Variants in CCPG1 observed in about 807,000 individuals in gnomAD.
CCPG1 encodes the protein cell cycle progression protein 1.
A neutral mutation model predicts 81.3 loss-of-function variants in CCPG1; 46 were observed. The ratio of observed to expected loss-of-function variants is 0.57; its 90% CI spans 0.45 to 0.72. The LOEUF (loss-of-function observed/expected upper bound fraction) is 0.72, where lower values mean the gene tolerates loss of function less well. Among genes scored for constraint, CCPG1 ranks in the 30% least tolerant of loss-of-function variants. CCPG1 has a pLI of 0.00. For missense variants in CCPG1, 902 were observed against 937.6 expected (o/e 0.96, Z 0.50); for synonymous variants, 330 against 305.2 (o/e 1.08, Z -0.85).
chr15:55,362,772 T>C lies in CCPG1; in HGVS notation c.829-1828A>G, dbSNP rs796088697. On this transcript the variant is annotated intron_variant, in intron 7 of 8. Transcript: ENST00000442196. ...AAACTGACTCTCTAGCTGGGCACAG[T>C]GGCTCAATCCTTTAATCCCAGTATT... Among the ~76,000 whole-genome samples, 4 of 152,330 alleles carry C rather than the reference T, an allele frequency of 2.6e-5. No individual in the cohort carries two copies. In the East Asian group the frequency reaches 7.7e-4, roughly 29 times the overall value.
At chr15:55,380,095 T>C (rs2056649859) in intron 3 of CCPG1, among the ~76,000 whole-genome samples, 2 of 138,142 alleles carry the variant, frequency 1.4e-5, no homozygotes, top group Admixed American at 7.0e-5. Context: ...AGTGAAACTC[T>C]GTCTTAAAAA....
chr15:55,387,398 A>T (rs1324428328), intron 2 of CCPG1, among the ~76,000 whole-genome samples: 3 of 152,188 alleles, frequency 2.0e-5, no homozygotes, highest in Admixed American at 6.6e-5. Context: ...GATTTTAAAA[A>T]GAAGAATCAT....
chr15:55,356,136 G>T lies in CCPG1; in HGVS notation c.*84C>A. On this transcript the variant is annotated 3_prime_UTR_variant, in exon 9 of 9. Transcript: ENST00000442196. ...ACAAAAGAAAAGACATTGTCATCTTGGTAATTTCATTAGTTTCAATACCAA... is the reference window on the plus strand; with the variant it reads ...ACAAAAGAAAAGACATTGTCATCTTTGTAATTTCATTAGTTTCAATACCAA... 2 of 960,566 alleles carry T rather than the reference G, an allele frequency of 2.1e-6. No homozygotes were observed. The highest frequency in any genetic ancestry group is 3.0e-6 in the Non-Finnish European group (2 of 659,790). 59.5% of individuals were successfully genotyped at this position (960,566 alleles called of 1,614,324 possible).
intron 8 of CCPG1, chr15:55,356,978 C>A (rs1040445512): frequency 1.2e-5 from 12 of 985,514 alleles, no homozygotes; most frequent in African/African-American, 1.7e-5. Flanking sequence ...ACATTTATTC[C>A]TTTTACTTGA....
intron 1 of CCPG1, among the ~76,000 whole-genome samples, chr15:55,400,144 A>T (rs1235573963): frequency 7.7e-6 from 1 of 130,374 alleles, no homozygotes; most frequent in Non-Finnish European, 1.6e-5. Flanking sequence ...CAGGAAGTGG[A>T]GGTTGCACTG....
intron 3 of CCPG1, among the ~76,000 whole-genome samples, chr15:55,382,405 C>A (rs2056716961): frequency 1.3e-5 from 2 of 152,126 alleles, no homozygotes; most frequent in African/African-American, 4.8e-5. Context: ...GAGTAGATTG[C>A]ATCTCAAGAA....
At chr15:55,359,180 T>C (rs2056140568) in intron 8 of CCPG1, 2 of 981,738 alleles carry the variant, frequency 2.0e-6, no homozygotes, top group Non-Finnish European at 2.4e-6. Context: ...CAAAAGTGAA[T>C]AAATACATAA....
intron 7 of CCPG1, 80 bp from the exon 8 acceptor site, chr15:55,361,024 C>G: frequency 7.3e-7 from 1 of 1,375,680 alleles, no homozygotes; most frequent in Non-Finnish European, 9.5e-7. Flanking sequence ...ATATAATACC[C>G]CATAAGCTTT....
Position 55,377,148 on chromosome 15 carries a change from T to A in CCPG1, c.255A>T (p.Ala85=). The A allele has an allele frequency of 6.2e-7, 1 of 1,607,258 alleles. No homozygotes were observed. The highest frequency in any genetic ancestry group is 8.5e-7 in the Non-Finnish European group (1 of 1,174,932). Residue 85 remains alanine (A), a splice_region_variant and synonymous_variant, in exon 5 of 9, where the codon GCA becomes GCT. Coordinates refer to ENST00000442196, the MANE Select transcript of CCPG1 (RefSeq NM_001204450.2). ...ALEETSSTIE[A]EEQKIPEDSI... is the part of the protein sequence containing the mutation. ...TGTCTTCGGGTATCTTTTGTTCCTCTGCCTGAAGAATCATAATTTTAGAGA... is the reference window on the plus strand; with the variant it reads ...TGTCTTCGGGTATCTTTTGTTCCTCAGCCTGAAGAATCATAATTTTAGAGA...
rs141933238 is a variant in CCPG1, at chr15:55,374,691, C to T, written c.454+2258G>A. Among the ~76,000 whole-genome samples the T allele has an allele frequency of 3.6e-3, 547 of 152,234 alleles. 1 individual carries two copies. The highest frequency in any genetic ancestry group is 0.017 in the Middle Eastern group (5 of 294). ...TATTGCCCAGGCTGGAGTGCAGTGGCGCAATCTTGGCTCACTGCAACCTCC... is the reference window on the plus strand; with the variant it reads ...TATTGCCCAGGCTGGAGTGCAGTGGTGCAATCTTGGCTCACTGCAACCTCC... On this transcript the variant is annotated intron_variant, in intron 5 of 8. Transcript: ENST00000442196.
At position 55,360,867 on chromosome 15, in the gene CCPG1, G is replaced by A. The variant is rs1358755322; in HGVS notation, c.906C>T (p.Asn302=). ...TTAAATACTGATTTTCTGTAGCAAG[G>A]TTCGTTTTCTGAGTTTCAAAGGACA... ...EKMSFETQKT[N]LATENQYLRV... is the part of the protein sequence containing the mutation. The change falls in exon 8 of 9, where the codon AAC becomes AAT. Residue 302 remains asparagine, a synonymous_variant. Transcript: ENST00000442196. The A allele has an allele frequency of 1.2e-6, 2 of 1,605,946 alleles. No individual in the cohort carries two copies. The highest frequency in any genetic ancestry group is 1.7e-6 in the Non-Finnish European group (2 of 1,177,688).
At chr15:55,386,968 G>A (rs1269632798) in intron 2 of CCPG1, among the ~76,000 whole-genome samples, 1 of 152,106 alleles carries the variant, frequency 6.6e-6, no homozygotes, top group African/African-American at 2.4e-5. Context: ...GCAAGACTCC[G>A]AGGTTGTCTA....
At chr15:55,399,641 C>A (rs1303934796) in intron 1 of CCPG1, 1 of 152,000 alleles carries the variant, frequency 6.6e-6, no homozygotes, top group East Asian at 1.9e-4. Context: ...AAAAAAGATC[C>A]TTAAGAAGCA....
Position 55,376,958 on chromosome 15 carries a change from G to A in CCPG1, c.445C>T (p.Pro149Ser). The A allele has an allele frequency of 1.9e-6, 3 of 1,611,590 alleles. No homozygotes were observed. Among genetic ancestry groups the A allele is most frequent in the Non-Finnish European group, 1.7e-6 (2 of 1,178,740 alleles). The change falls in exon 5 of 9, where the codon CCA (proline) becomes TCA (serine). Residue 149 changes from proline (P) to serine (S), a missense_variant. Around this residue, in one of 3 missense-constraint regions of CCPG1, gnomAD observed 746 missense variants for 728.6 expected, o/e 1.02. Transcript: ENST00000442196. ...SSSSQYTFCQPETVFSSQPSD... is the reference protein window; with the variant it reads ...SSSSQYTFCQSETVFSSQPSD... ...ATCAGTGTATTCTTACCAGTTTCTG[G>A]CTGACAGAAAGTATACTGGCTGCTA...
At chr15:55,385,958 T>C (rs1328801813) in intron 2 of CCPG1, among the ~76,000 whole-genome samples, 1 of 152,190 alleles carries the variant, frequency 6.6e-6, no homozygotes. Flanking sequence ...AATGCTCTAT[T>C]TTATGAGCTC....
intron 6 of CCPG1, among the ~76,000 whole-genome samples, chr15:55,366,608 C>T (rs1468790874): frequency 6.6e-6 from 1 of 152,044 alleles, no homozygotes; most frequent in African/African-American, 2.4e-5. Context: ...CCTGTCTCTA[C>T]TAAAAATACA....
At chr15:55,367,999 A>T (rs142762619) in intron 6 of CCPG1, among the ~76,000 whole-genome samples, 12 of 152,208 alleles carry the variant, frequency 7.9e-5, no homozygotes, top group Non-Finnish European at 1.3e-4. Flanking sequence ...TTACTCAATA[A>T]ATCAAACTTT....
At chr15:55,387,926 C>T (rs1190850668) in intron 2 of CCPG1, among the ~76,000 whole-genome samples, 5 of 148,554 alleles carry the variant, frequency 3.4e-5, no homozygotes, top group South Asian at 4.5e-4. Flanking sequence ...CCGAGGCGGG[C>T]GGATCACCTG....
chr15:55,376,940 T>C lies in CCPG1; in HGVS notation c.454+9A>G, dbSNP rs2056579382. The C allele has an allele frequency of 1.9e-6, 3 of 1,602,250 alleles. No individual in the cohort carries two copies. The highest frequency in any genetic ancestry group is 2.7e-5 in the African/African-American group (2 of 74,850). ...CATGTCTTTAAGTCTCTTATCAGTGTATTCTTACCAGTTTCTGGCTGACAG... is the reference window on the plus strand; with the variant it reads ...CATGTCTTTAAGTCTCTTATCAGTGCATTCTTACCAGTTTCTGGCTGACAG... On this transcript the variant is annotated intron_variant, in intron 5 of 8. Transcript: ENST00000442196.
Sources: allele counts gnomAD v4.1 joint callset (sites outside exome capture counted in the v4.1 genomes callset), GRCh38; gene constraint gnomAD v4.1.1; regional missense constraint gnomAD v4.1.1; transcripts MANE v1.5; gene names NCBI Gene and HGNC (gene_info 2026-07-23, HGNC 2026-07-21).